MCUB: variants seen among roughly 807,000 people sequenced by gnomAD.
MCUB encodes the protein calcium uniporter regulatory subunit MCUb, mitochondrial.
A neutral mutation model predicts 41.4 loss-of-function variants in MCUB; 46 were observed. The observed-to-expected ratio is 1.11, with a 90% CI of 0.88 to 1.42. The LOEUF is 1.42. Among genes scored for constraint, MCUB ranks in the 40% most tolerant of loss-of-function variants. MCUB has a pLI of 0.00. For synonymous variants in MCUB, 148 were observed against 148.2 expected (o/e 1.00, Z 0.01); for missense variants, 403 against 404.9 (o/e 1.00, Z 0.04).
intron 1 of MCUB, among the ~76,000 whole-genome samples, chr4:109,578,045 A>G (rs1727074872): frequency 6.6e-6 from 1 of 152,220 alleles, no homozygotes; most frequent in Non-Finnish European, 1.5e-5. Context: ...TCAGATGTCA[A>G]ATATGACTTC....
intron 1 of MCUB, among the ~76,000 whole-genome samples, chr4:109,623,512 A>G (rs1728297237): frequency 6.6e-6 from 1 of 152,242 alleles, no homozygotes; most frequent in African/African-American, 2.4e-5. Flanking sequence ...AGAGCTGTAC[A>G]CGATAATTGT....
rs34076028 is a variant in MCUB, at chr4:109,642,893, A to ATTT, written c.100-16100_100-16098dup. On this transcript the variant is annotated intron_variant, in intron 1 of 7. Transcript: ENST00000394650. Reference sequence around the variant, plus strand: ...ATTGATATACAGTACTCTCAGCTAGATTTTTTTTTTTTTTTTTTTTGAGTT... The same window carrying ATTT: ...ATTGATATACAGTACTCTCAGCTAGATTTTTTTTTTTTTTTTTTTTTTTGAGTT... Among the ~76,000 whole-genome samples the ATTT allele has an allele frequency of 1.8e-3, 203 of 111,106 alleles. 4 individuals carry two copies. The highest frequency in any genetic ancestry group is 6.7e-3 in the African/African-American group (199 of 29,728). The allele number at this position is 111,106 out of a possible 152,430, so 72.9% of individuals were successfully genotyped here. A position where few individuals can be genotyped will look rare whatever the true frequency, so the allele number is the denominator to read the frequency against.
chr4:109,584,710 AC>A (rs537594418), intron 1 of MCUB, among the ~76,000 whole-genome samples: 16 of 152,020 alleles, frequency 1.1e-4, no homozygotes, highest in Non-Finnish European at 2.4e-4. Context: ...TTTGTTATTT[AC>A]CCAGTAGTCA....
chr4:109,634,727 TTGTG>T (rs751504911), intron 1 of MCUB, among the ~76,000 whole-genome samples: 9 of 152,192 alleles, frequency 5.9e-5, no homozygotes, highest in Non-Finnish European at 1.2e-4. Flanking sequence ...TATTTATTCA[TTGTG>T]TGGTAGAAGT....
At chr4:109,585,387 C>T (rs766869764) in intron 1 of MCUB, among the ~76,000 whole-genome samples, 10 of 152,152 alleles carry the variant, frequency 6.6e-5, no homozygotes, top group Non-Finnish European at 1.3e-4. Flanking sequence ...ACTGATGGGT[C>T]TTGAATCTTT....
chr4:109,592,791 A>C (rs1727468313), intron 1 of MCUB, among the ~76,000 whole-genome samples: 1 of 152,252 alleles, frequency 6.6e-6, no homozygotes, highest in African/African-American at 2.4e-5. Context: ...GACAATACAC[A>C]GACCTATTAA....
At chr4:109,572,746 G>A (rs1477856370) in intron 1 of MCUB, among the ~76,000 whole-genome samples, 1 of 152,024 alleles carries the variant, frequency 6.6e-6, no homozygotes, top group Non-Finnish European at 1.5e-5. Flanking sequence ...CTATTGATCA[G>A]TTTCAAATGC....
chr4:109,671,019 C>T (rs1041535315), intron 4 of MCUB, among the ~76,000 whole-genome samples: 1 of 152,194 alleles, frequency 6.6e-6, no homozygotes, highest in Non-Finnish European at 1.5e-5. Flanking sequence ...GTCTCTGCTT[C>T]GCTAAGTTGT....
intron 1 of MCUB, among the ~76,000 whole-genome samples, chr4:109,629,873 C>G (rs1337094455): frequency 2.0e-5 from 3 of 152,158 alleles, no homozygotes; most frequent in Admixed American, 1.3e-4. Context: ...AACGTTTGGC[C>G]ATTGGTGATC....
chr4:109,647,353 A>G (rs951146194), intron 1 of MCUB, among the ~76,000 whole-genome samples: 4 of 152,150 alleles, frequency 2.6e-5, no homozygotes, highest in Non-Finnish European at 5.9e-5. Flanking sequence ...TGTCTTTCCC[A>G]TAACCCCTGG....
intron 1 of MCUB, among the ~76,000 whole-genome samples, chr4:109,579,310 C>T (rs896391042): frequency 1.1e-4 from 16 of 151,198 alleles, no homozygotes; most frequent in Non-Finnish European, 2.1e-4. Flanking sequence ...AGTGCAGTGG[C>T]GTGATCTCAG....
intron 1 of MCUB, among the ~76,000 whole-genome samples, chr4:109,568,205 T>C (rs1191843862): frequency 2.0e-5 from 3 of 152,222 alleles, no homozygotes; most frequent in Non-Finnish European, 4.4e-5. Flanking sequence ...GGGAATGTTT[T>C]AGAAGATAGA....
At chr4:109,652,044 C>T (rs1728972551) in intron 1 of MCUB, among the ~76,000 whole-genome samples, 4 of 152,192 alleles carry the variant, frequency 2.6e-5, no homozygotes. Context: ...GCCTTCTTGG[C>T]TTGTACATGG....
At chr4:109,684,689 C>A in intron 6 of MCUB, 43 bp downstream of exon 6, 1 of 918,130 alleles carries the variant, frequency 1.1e-6, no homozygotes, top group Non-Finnish European at 1.7e-6. Flanking sequence ...AACATCTTTG[C>A]AAAGAATGTC....
At chr4:109,637,277 G>A (rs940296998) in intron 1 of MCUB, among the ~76,000 whole-genome samples, 1 of 152,200 alleles carries the variant, frequency 6.6e-6, no homozygotes, top group African/African-American at 2.4e-5. Flanking sequence ...GTAACCATAA[G>A]GGAGCAGGGA....
chr4:109,589,982 ACCATCAACCAATTTGT>A (rs1727394794), intron 1 of MCUB, among the ~76,000 whole-genome samples: 2 of 152,222 alleles, frequency 1.3e-5, no homozygotes, highest in African/African-American at 4.8e-5. Context: ...CCAAAAAATT[ACCATCAACCAATTTGT>A]CTAGTGGTAA....
Position 109,652,399 on chromosome 4 carries a change from T to A in MCUB, c.100-6612T>A, listed in dbSNP as rs572860840. 8.5e-4 allele frequency among the ~76,000 whole-genome samples: 129 copies of A among 152,344 alleles called. 1 individual carries two copies. The highest frequency in any genetic ancestry group is 3.0e-3 in the African/African-American group (124 of 41,588). On this transcript the variant is annotated intron_variant, in intron 1 of 7. Coordinates refer to ENST00000394650, the MANE Select transcript of MCUB (RefSeq NM_017918.5). ...ATCTTGATTATACCTGAAAAACTCATTTCTTTCAGCCTTGCTGTAATCTCT... is the reference window on the plus strand; with the variant it reads ...ATCTTGATTATACCTGAAAAACTCAATTCTTTCAGCCTTGCTGTAATCTCT...
At position 109,670,191 on chromosome 4, in the gene MCUB, A is replaced by G. The variant is rs11936584; in HGVS notation, c.451+5797A>G. Among the ~76,000 whole-genome samples, 1,255 of 152,272 alleles carry G rather than the reference A, an allele frequency of 8.2e-3. 22 individuals carry two copies. The highest frequency in any genetic ancestry group is 0.028 in the African/African-American group (1,162 of 41,542). On this transcript the variant is annotated intron_variant, in intron 4 of 7. Coordinates refer to ENST00000394650, the MANE Select transcript of MCUB (RefSeq NM_017918.5). ...TGGAGGGGAAGTGTTCTGTAGTCCTATGATTAAGGGGACTAGGTCTCAGTC... is the reference window on the plus strand; with the variant it reads ...TGGAGGGGAAGTGTTCTGTAGTCCTGTGATTAAGGGGACTAGGTCTCAGTC...
In MCUB at chr4:109,682,681, G is replaced by A. The variant is rs768719165; in HGVS notation, c.551G>A (p.Arg184Lys). Residue 184 changes from arginine to lysine, a missense_variant, in exon 5 of 8, where the codon AGA becomes AAA. Physicochemically the swap from Arg to Lys is conservative, Grantham distance 26. Transcript: ENST00000394650. The stretch of plus-strand genomic sequence containing the variant: ...CATTTAGAAGAGTCTCAGAAAAAGA[G>A]AGAGCACCATTTACTGGAGAAAATT... ...ILHLEESQKK[R>K]EHHLLEKIDH... 2 of 1,613,570 alleles carry A rather than the reference G, an allele frequency of 1.2e-6. No individual in the cohort carries two copies. The highest frequency in any genetic ancestry group is 1.7e-6 in the Non-Finnish European group (2 of 1,179,500).
Sources: gnomAD v4.1 joint callset for allele counts (sites outside exome capture counted in the v4.1 genomes callset) on GRCh38, gnomAD v4.1.1 for gene constraint, MANE v1.5 for transcripts, NCBI Gene and HGNC (gene_info 2026-07-23, HGNC 2026-07-21) for gene names.